NLGN4X: variants seen among roughly 807,000 people sequenced by gnomAD.
The protein encoded by NLGN4X is neuroligin 4 X-linked.
A neutral mutation model predicts 40.3 loss-of-function variants in NLGN4X; 3 were observed. The ratio of observed to expected loss-of-function variants is 0.07; its 90% confidence interval spans 0.03 to 0.19. The LOEUF (loss-of-function observed/expected upper bound fraction) is 0.19. Among genes scored for constraint, NLGN4X ranks in the 10% least tolerant of loss-of-function variants. The pLI is 1.00. For missense variants in NLGN4X, 382 were observed against 708.3 expected (o/e 0.54, Z 5.23); for synonymous variants, 270 against 306.8 (o/e 0.88, Z 1.25).
chrX:6,157,717 T>A (rs984641045), intron 1 of NLGN4X, among the ~76,000 whole-genome samples: 7 of 111,225 alleles, frequency 6.3e-5, no homozygotes, highest in African/African-American at 2.0e-4. Flanking sequence ...GGGTATCTTT[T>A]AAAATGTCAT....
Position 6,032,834 on chromosome X carries a change from G to A in NLGN4X, c.473-3402C>T, listed in dbSNP as rs2036906155. ...TTTCAAAAAATTCAGAAAAGAGAGA[G>A]ATGCTACCCAGAAAAAGAAAAAAAG... On this transcript the variant is annotated intron_variant, in intron 2 of 5. Transcript: ENST00000381095. 5.6e-6 allele frequency: 3 copies of A among 539,827 alleles called. No homozygotes were observed. The East Asian group carries it at 1.1e-4, about 20-fold the overall frequency. 44.5% of individuals were successfully genotyped at this position (539,827 alleles called of 1,213,427 possible).
At chrX:6,051,163 A>G (rs1016592998) in intron 2 of NLGN4X, among the ~76,000 whole-genome samples, 3 of 111,955 alleles carry the variant, frequency 2.7e-5, no homozygotes, top group Non-Finnish European at 5.6e-5. Flanking sequence ...CAAGGCCTGA[A>G]ACTGCAGCTA....
intron 2 of NLGN4X, among the ~76,000 whole-genome samples, chrX:6,119,370 G>A (rs2049554138): frequency 8.9e-6 from 1 of 112,143 alleles, no homozygotes; most frequent in African/African-American, 3.2e-5. Context: ...TTTCTGAAGT[G>A]CTCAATAATA....
At chrX:6,074,120 A>G (rs1350215279) in intron 2 of NLGN4X, among the ~76,000 whole-genome samples, 2 of 111,115 alleles carry the variant, frequency 1.8e-5, no homozygotes, top group Non-Finnish European at 3.8e-5. Context: ...AACAATACAG[A>G]CAAGAAGCTC....
rs375743079 is a variant in NLGN4X at position 5,893,908 on chromosome X, T to C, written c.1602-242A>G. 8.0e-5 allele frequency among the ~76,000 whole-genome samples: 9 copies of C among 112,261 alleles called. No individual in the cohort carries two copies. The East Asian group carries it at 1.4e-3, about 17-fold the overall frequency. ...AATATAAATCCTGATAGCAGCATTATGCAATTTTTATAACATGTTTACTAT... is the reference window on the plus strand; with the variant it reads ...AATATAAATCCTGATAGCAGCATTACGCAATTTTTATAACATGTTTACTAT... On this transcript the variant is annotated intron_variant, in intron 5 of 5. Transcript: ENST00000381095.
At chrX:5,966,697 T>C (rs944367176) in intron 3 of NLGN4X, among the ~76,000 whole-genome samples, 2 of 112,233 alleles carry the variant, frequency 1.8e-5, no homozygotes, top group Admixed American at 1.9e-4. Context: ...TTGAGGGAGA[T>C]ACAAGCATTG....
chrX:6,162,808 G>C (rs1486008772), intron 1 of NLGN4X, among the ~76,000 whole-genome samples: 1 of 111,742 alleles, frequency 8.9e-6, no homozygotes, highest in Non-Finnish European at 1.9e-5. Flanking sequence ...GTTTGTGTTT[G>C]AGAAAGTACA....
At chrX:5,925,877 C>CACATATATATATATATATATACAT in intron 3 of NLGN4X, among the ~76,000 whole-genome samples, 1 of 11,119 alleles carries the variant, frequency 9.0e-5, no homozygotes, top group Non-Finnish European at 1.3e-4. Context: ...TATATACATA[C>CACATATATATATATATATATACAT]ACACATATAT....
intron 5 of NLGN4X, among the ~76,000 whole-genome samples, chrX:5,896,048 G>A (rs1344448703): frequency 9.0e-6 from 1 of 111,523 alleles, no homozygotes. Context: ...AAATGGAAGT[G>A]AAGATTCTAC....
intron 1 of NLGN4X, among the ~76,000 whole-genome samples, chrX:6,225,676 T>TC (rs1926156294): frequency 1.2e-5 from 1 of 85,785 alleles, no homozygotes; most frequent in Non-Finnish European, 2.3e-5. Context: ...TCCTTTTTTT[T>TC]CTTTCTTTTT....
chrX:6,063,435 T>C (rs1466907098), intron 2 of NLGN4X, among the ~76,000 whole-genome samples: 3 of 112,153 alleles, frequency 2.7e-5, no homozygotes, highest in Non-Finnish European at 5.6e-5. Context: ...CGGTGAGCTA[T>C]GATTAAACAC....
intron 1 of NLGN4X, among the ~76,000 whole-genome samples, chrX:6,188,187 T>C (rs1296747286): frequency 8.9e-6 from 1 of 112,239 alleles, no homozygotes; most frequent in African/African-American, 3.2e-5. Flanking sequence ...TTTTGATAAT[T>C]GTACACTTTT....
chrX:6,137,992 T>C (rs2147649136), intron 2 of NLGN4X, among the ~76,000 whole-genome samples: 1 of 111,595 alleles, frequency 9.0e-6, no homozygotes, highest in South Asian at 3.8e-4. Flanking sequence ...AAACGTGCAG[T>C]AAACAGACTC....
chrX:6,061,089 T>A (rs988889316), intron 2 of NLGN4X, among the ~76,000 whole-genome samples: 1 of 111,684 alleles, frequency 9.0e-6, no homozygotes, highest in Non-Finnish European at 1.9e-5. Context: ...AGCGAAAACC[T>A]TAAGAGCTAT....
intron 2 of NLGN4X, among the ~76,000 whole-genome samples, chrX:6,049,110 TGA>T (rs1373220576): frequency 1.0e-5 from 1 of 99,792 alleles, no homozygotes; most frequent in African/African-American, 3.6e-5. Flanking sequence ...ACAAAAGTTG[TGA>T]GTGATAATTC....
At chrX:6,029,607 ATTACGTTTTCTATTTATGGAAATGGTATT>A (rs2036801564) in intron 2 of NLGN4X, among the ~76,000 whole-genome samples, 175 bp from the exon 3 acceptor site, 1 of 111,865 alleles carries the variant, frequency 8.9e-6, no homozygotes, top group African/African-American at 3.2e-5. Flanking sequence ...GATCAATGCT[ATTACGTTTTCTATTTATGGAAATGGTATT>A]TTAAGAAGCA....
intron 1 of NLGN4X, among the ~76,000 whole-genome samples, chrX:6,174,738 G>C (rs150986938): frequency 0.024 from 2,659 of 111,585 alleles, 78 homozygotes; most frequent in African/African-American, 0.08. Context: ...GTGGGAGCTT[G>C]AGAAAACACG....
chrX:6,002,873 A>G (rs1164849378), intron 3 of NLGN4X, among the ~76,000 whole-genome samples: 4 of 112,024 alleles, frequency 3.6e-5, no homozygotes, highest in Non-Finnish European at 3.8e-5. Context: ...GCTTGACTTC[A>G]GAGGGACAGC....
intron 3 of NLGN4X, among the ~76,000 whole-genome samples, chrX:5,914,521 G>GA (rs760774632): frequency 2.7e-5 from 3 of 110,579 alleles, no homozygotes; most frequent in Admixed American, 9.7e-5. Flanking sequence ...GTAACCAGGA[G>GA]ATAATTAAGT....
Sources: gnomAD v4.1 joint callset for allele counts (sites outside exome capture counted in the v4.1 genomes callset) on GRCh38, gnomAD v4.1.1 for gene constraint, MANE v1.5 for transcripts, NCBI Gene and HGNC (gene_info 2026-07-23, HGNC 2026-07-21) for gene names.